Variants in PGPEP1L observed in about 807,000 individuals in gnomAD.
PGPEP1L encodes the protein pyroglutamyl-peptidase I like.
Under a neutral mutation model 6.0 loss-of-function variants are expected in PGPEP1L, and 7 were observed. The observed-to-expected ratio is 1.17, with a 90% CI of 0.66 to 2.19. The LOEUF is 2.19. PGPEP1L is among the 30% of genes most tolerant of loss of function. The pLI, the probability that PGPEP1L is intolerant of heterozygous loss-of-function variation, is 0.00. For synonymous variants in PGPEP1L, 103 were observed against 83.9 expected (o/e 1.23, Z -1.24); for missense variants, 209 against 192.5 (o/e 1.09, Z -0.51).
At chr15:99,000,608 C>G (rs934548629) in intron 2 of PGPEP1L, among the ~76,000 whole-genome samples, 2 of 152,164 alleles carry the variant, frequency 1.3e-5, no homozygotes, top group South Asian at 2.1e-4. Context: ...ATGCACCAAT[C>G]GACGCTCTGT....
At chr15:99,006,083 G>A (rs1419669224) in intron 1 of PGPEP1L, among the ~76,000 whole-genome samples, 6 of 152,244 alleles carry the variant, frequency 3.9e-5, no homozygotes, top group Non-Finnish European at 8.8e-5. Context: ...TATGGCGCCT[G>A]CCTTTAAAAT....
chr15:98,983,630 A>C (rs1324290266), intron 2 of PGPEP1L, among the ~76,000 whole-genome samples: 1 of 152,218 alleles, frequency 6.6e-6, no homozygotes, highest in Non-Finnish European at 1.5e-5. Context: ...CCAGGGAATA[A>C]TGATGTAACT....
intron 2 of PGPEP1L, among the ~76,000 whole-genome samples, chr15:98,992,877 G>A (rs1162460843): frequency 6.6e-6 from 1 of 152,188 alleles, no homozygotes; most frequent in African/African-American, 2.4e-5. Flanking sequence ...ATGGTGTTGG[G>A]AAAACTGGCT....
Position 98,971,093 on chromosome 15 carries a change from T to G in PGPEP1L, c.-76A>C, listed in dbSNP as rs1385580489. The G allele has an allele frequency of 6.2e-7, 1 of 1,612,268 alleles. No homozygotes were observed. The highest frequency in any genetic ancestry group is 8.5e-7 in the Non-Finnish European group (1 of 1,179,162). On this transcript the variant is annotated 5_prime_UTR_variant, in exon 3 of 5. It removes the in-frame stop codon of an upstream open reading frame in the 5' UTR. Transcript: ENST00000535714. ...CCCTCCGCTTAGCCTCCCTGTAATC[T>G]ACAGGCAGCTCCAGAGTCCGCAGCT...
At chr15:98,990,971 G>C (rs1208907901) in intron 2 of PGPEP1L, among the ~76,000 whole-genome samples, 1 of 152,182 alleles carries the variant, frequency 6.6e-6, no homozygotes, top group African/African-American at 2.4e-5. Context: ...GCAGTGTGTA[G>C]AGGGAATTTT....
intron 2 of PGPEP1L, among the ~76,000 whole-genome samples, chr15:98,987,617 CTTTG>C (rs1168786393): frequency 1.2e-4 from 19 of 152,216 alleles, no homozygotes; most frequent in African/African-American, 3.1e-4. Context: ...ATGACTGAAG[CTTTG>C]TTTGTTTACT....
intron 2 of PGPEP1L, among the ~76,000 whole-genome samples, chr15:98,978,792 T>C (rs12898761): frequency 0.95 from 137,216 of 143,740 alleles, 65,577 homozygotes; most frequent in Middle Eastern, 0.98. Flanking sequence ...TGCGGTGGCA[T>C]GATCTCGGCT....
intron 1 of PGPEP1L, 29 bp downstream of exon 1, chr15:99,007,330 G>A (rs1293998637): frequency 1.3e-5 from 2 of 152,244 alleles, no homozygotes; most frequent in Admixed American, 6.5e-5. Flanking sequence ...CTCCTCTGGT[G>A]AGCAGCTCTC....
rs2017962228 is a variant in PGPEP1L at position 99,001,153 on chromosome 15, T to C, written c.-142+4276A>G. 5 of 446,912 alleles carry C rather than the reference T, an allele frequency of 1.1e-5. 1 individual carries two copies. Among genetic ancestry groups the C allele is most frequent in the South Asian group, 3.1e-5 (2 of 63,706 alleles). The allele number at this position is 446,912 out of a possible 1,614,324, so 27.7% of individuals were successfully genotyped here. ...CAAACATCAGTCAAGAAATAAACTC[T>C]GGACACGCCGCCTTTAAGAACTGTA... On this transcript the variant is annotated intron_variant, in intron 2 of 4. Coordinates refer to ENST00000535714, the MANE Select transcript of PGPEP1L (RefSeq NM_001167902.2).
intron 2 of PGPEP1L, among the ~76,000 whole-genome samples, chr15:98,971,429 G>A (rs762983629): frequency 6.6e-6 from 1 of 152,126 alleles, no homozygotes; most frequent in Non-Finnish European, 1.5e-5. Flanking sequence ...GGGAGGTGGA[G>A]GTTGCAGTGA....
At chr15:98,992,724 G>A (rs552978273) in intron 2 of PGPEP1L, among the ~76,000 whole-genome samples, 7 of 152,318 alleles carry the variant, frequency 4.6e-5, no homozygotes, top group African/African-American at 1.7e-4. Flanking sequence ...AACAAAAACA[G>A]CATGGTACTA....
chr15:98,968,730 G>A (rs749719209), intron 4 of PGPEP1L, 33 bp from the exon 5 acceptor site: 52 of 1,539,332 alleles, frequency 3.4e-5, no homozygotes, highest in African/African-American at 2.2e-4. Flanking sequence ...ATTAATTCTC[G>A]GACCAGCCTC....
chr15:98,968,546 C>T lies in PGPEP1L; in HGVS notation c.361G>A (p.Gly121Arg), dbSNP rs1231311691. ...AACTGGGCTCTGTGCTTGGGCTTTC[C>T]CACCTCTTCCAGCATTTCCTGGATG... ...VIIQEMLEEV[G>R]KPKHRAQFEE... is the part of the protein sequence containing the mutation. Residue 121 changes from glycine (G) to arginine (R), a missense_variant, in exon 5 of 5, where the codon GGA (glycine) becomes AGA (arginine). By Grantham distance (125) the Gly-to-Arg change is moderately radical. Coordinates refer to ENST00000535714, the MANE Select transcript of PGPEP1L (RefSeq NM_001167902.2). 4 of 1,610,612 alleles carry T rather than the reference C, an allele frequency of 2.5e-6. No individual in the cohort carries two copies. The Admixed American group carries it at 6.7e-5, about 27-fold the overall frequency.
intron 2 of PGPEP1L, among the ~76,000 whole-genome samples, chr15:98,972,019 G>T (rs909497544): frequency 6.6e-6 from 1 of 152,062 alleles, no homozygotes; most frequent in Middle Eastern, 3.2e-3. Flanking sequence ...TAAGCCTCAT[G>T]GTAATCACAA....
chr15:98,988,067 G>A (rs547267694), intron 2 of PGPEP1L, among the ~76,000 whole-genome samples: 2 of 152,324 alleles, frequency 1.3e-5, no homozygotes, highest in South Asian at 2.1e-4. Context: ...GGGGGTTTGG[G>A]CAGACACCGA....
At chr15:98,991,569 A>G (rs566280721) in intron 2 of PGPEP1L, among the ~76,000 whole-genome samples, 2 of 151,884 alleles carry the variant, frequency 1.3e-5, no homozygotes, top group African/African-American at 4.8e-5. Flanking sequence ...AAGTATTCCA[A>G]ATAGATAGAG....
chr15:99,001,902 G>C (rs557925735), intron 2 of PGPEP1L, among the ~76,000 whole-genome samples: 19 of 152,234 alleles, frequency 1.2e-4, no homozygotes, highest in Non-Finnish European at 2.1e-4. Flanking sequence ...ATTTTTAGTA[G>C]AGATGGGGTT....
chr15:99,006,791 C>T (rs528054496), intron 1 of PGPEP1L, among the ~76,000 whole-genome samples: 3 of 152,296 alleles, frequency 2.0e-5, no homozygotes, highest in Admixed American at 1.3e-4. Flanking sequence ...GAGTGAGACC[C>T]TGTCTCTAAA....
intron 2 of PGPEP1L, among the ~76,000 whole-genome samples, chr15:98,981,775 T>C (rs1370692082): frequency 1.3e-5 from 2 of 152,230 alleles, no homozygotes; most frequent in Admixed American, 1.3e-4. Context: ...GGAATATATA[T>C]TCTGTGCTAT....
Sources: gnomAD v4.1 joint callset for allele counts (sites outside exome capture counted in the v4.1 genomes callset) on GRCh38, gnomAD v4.1.1 for gene constraint, MANE v1.5 for transcripts, NCBI Gene and HGNC (gene_info 2026-07-23, HGNC 2026-07-21) for gene names.